Variants in ARHGAP15 observed in about 807,000 individuals in gnomAD.
The protein encoded by ARHGAP15 is Rho GTPase activating protein 15.
Under a neutral mutation model 63.7 loss-of-function variants are expected in ARHGAP15, and 51 were observed. The ratio of observed to expected loss-of-function variants is 0.80; its 90% CI spans 0.64 to 1.01. ARHGAP15 has a LOEUF of 1.01. ARHGAP15 is among the 50% of genes least tolerant of loss of function. The pLI is 0.00. For synonymous variants in ARHGAP15, 191 were observed against 193.8 expected (o/e 0.99, Z 0.12); for missense variants, 560 against 564.6 (o/e 0.99, Z 0.08).
chr2:143,430,688 A>G (rs1166303912), intron 6 of ARHGAP15, among the ~76,000 whole-genome samples: 1 of 152,072 alleles, frequency 6.6e-6, no homozygotes, highest in Non-Finnish European at 1.5e-5. Flanking sequence ...CTTCAAATAA[A>G]GTTAGTGTAT....
chr2:143,448,715 T>C (rs1295487278), intron 8 of ARHGAP15, among the ~76,000 whole-genome samples: 1 of 151,896 alleles, frequency 6.6e-6, no homozygotes, highest in African/African-American at 2.4e-5. Flanking sequence ...AGATTCTTGT[T>C]ACTCTAGATA....
chr2:143,579,685 C>A (rs1027378678), intron 11 of ARHGAP15, among the ~76,000 whole-genome samples: 1 of 139,518 alleles, frequency 7.2e-6, no homozygotes, highest in Non-Finnish European at 1.5e-5. Context: ...TCAGCCAGAT[C>A]TTTTTGTCGA....
chr2:143,300,953 A>AC (rs1682865588), intron 6 of ARHGAP15, among the ~76,000 whole-genome samples: 1 of 151,966 alleles, frequency 6.6e-6, no homozygotes, highest in South Asian at 2.1e-4. Context: ...ATTAATGAAT[A>AC]CCTTAATGTG....
chr2:143,656,508 T>A (rs1007606156), intron 12 of ARHGAP15, among the ~76,000 whole-genome samples: 1 of 152,208 alleles, frequency 6.6e-6, no homozygotes, highest in Non-Finnish European at 1.5e-5. Flanking sequence ...AAAAGCCTTC[T>A]GTGAGAATAG....
chr2:143,356,059 AAAG>A (rs912024595), intron 6 of ARHGAP15, among the ~76,000 whole-genome samples: 2 of 151,860 alleles, frequency 1.3e-5, no homozygotes, highest in African/African-American at 4.9e-5. Context: ...ATTAAAAAAA[AAAG>A]AGAGAGAGAG....
chr2:143,746,535 G>T (rs73961852), intron 13 of ARHGAP15, among the ~76,000 whole-genome samples: 2,026 of 152,028 alleles, frequency 0.013, 41 homozygotes, highest in African/African-American at 0.046. Context: ...GTCCCTTTTG[G>T]GTGAGAAAAA....
intron 12 of ARHGAP15, among the ~76,000 whole-genome samples, chr2:143,667,721 C>T (rs903916621): frequency 1.4e-4 from 21 of 151,838 alleles, no homozygotes; most frequent in Admixed American, 8.5e-4. Flanking sequence ...TGGCAGGGCA[C>T]GGTGGCTCCC....
intron 6 of ARHGAP15, among the ~76,000 whole-genome samples, chr2:143,369,847 T>A (rs1264214020): frequency 1.3e-5 from 2 of 152,116 alleles, no homozygotes; most frequent in East Asian, 3.9e-4. Flanking sequence ...CCTCCTCCTA[T>A]TATTATTATA....
intron 8 of ARHGAP15, among the ~76,000 whole-genome samples, chr2:143,466,818 C>T (rs933297720): frequency 1.3e-5 from 2 of 152,066 alleles, no homozygotes; most frequent in African/African-American, 2.4e-5. Flanking sequence ...TAAAAAGGAC[C>T]AGTTTAGCAG....
intron 6 of ARHGAP15, among the ~76,000 whole-genome samples, chr2:143,335,507 A>C (rs1684732566): frequency 6.6e-6 from 1 of 152,172 alleles, no homozygotes; most frequent in Admixed American, 6.5e-5. Flanking sequence ...TCTGTATGGC[A>C]CACGCTTTGG....
chr2:143,645,234 T>G (rs1293263591), intron 12 of ARHGAP15, among the ~76,000 whole-genome samples: 1 of 152,036 alleles, frequency 6.6e-6, no homozygotes, highest in Non-Finnish European at 1.5e-5. Flanking sequence ...TGAAACCAAC[T>G]CCCTTGATTC....
intron 8 of ARHGAP15, among the ~76,000 whole-genome samples, chr2:143,440,721 T>G (rs1458515788): frequency 1.3e-5 from 2 of 152,168 alleles, no homozygotes; most frequent in African/African-American, 2.4e-5. Flanking sequence ...AGATATCAGT[T>G]GAGTCTAACA....
chr2:143,269,366 T>C (rs888992876), intron 6 of ARHGAP15, among the ~76,000 whole-genome samples: 1 of 152,198 alleles, frequency 6.6e-6, no homozygotes, highest in Non-Finnish European at 1.5e-5. Flanking sequence ...ACGGAAGTCA[T>C]GATCCTTACA....
intron 8 of ARHGAP15, among the ~76,000 whole-genome samples, chr2:143,444,367 A>T (rs1690038288): frequency 6.6e-6 from 1 of 152,216 alleles, no homozygotes; most frequent in South Asian, 2.1e-4. Context: ...AAATGGGCGT[A>T]TATTAATGTT....
intron 13 of ARHGAP15, among the ~76,000 whole-genome samples, chr2:143,755,323 G>C (rs1686537726): frequency 6.6e-6 from 1 of 151,742 alleles, no homozygotes; most frequent in Admixed American, 6.6e-5. Context: ...TATCTAAGTA[G>C]TAGAATTATG....
intron 9 of ARHGAP15, among the ~76,000 whole-genome samples, chr2:143,508,645 G>C (rs1391359506): frequency 6.6e-6 from 1 of 152,204 alleles, no homozygotes; most frequent in Non-Finnish European, 1.5e-5. Context: ...TGTTGCTTTA[G>C]ATAAGCAGAG....
chr2:143,258,125 A>G (rs896797372), intron 6 of ARHGAP15, among the ~76,000 whole-genome samples: 1 of 152,118 alleles, frequency 6.6e-6, no homozygotes, highest in Admixed American at 6.6e-5. Flanking sequence ...CATAAGGATG[A>G]CACAGGATGA....
intron 11 of ARHGAP15, among the ~76,000 whole-genome samples, chr2:143,559,106 G>A (rs1325572328): frequency 1.3e-5 from 2 of 152,084 alleles, no homozygotes; most frequent in African/African-American, 4.8e-5. Flanking sequence ...TTACAATATA[G>A]TTTATGCTGA....
intron 6 of ARHGAP15, among the ~76,000 whole-genome samples, chr2:143,413,967 G>GTGTGTGTGCA (rs1553476589): frequency 3.8e-5 from 1 of 26,664 alleles, no homozygotes; most frequent in African/African-American, 1.6e-4. Flanking sequence ...GTGTGTGTGT[G>GTGTGTGTGCA]CGCGCTCTCT....
Sources: allele counts gnomAD v4.1 joint callset (sites outside exome capture counted in the v4.1 genomes callset), GRCh38; gene constraint gnomAD v4.1.1; transcripts MANE v1.5; gene names NCBI Gene and HGNC (gene_info 2026-07-23, HGNC 2026-07-21).